GPC5: variants seen among roughly 807,000 people sequenced by gnomAD.
GPC5 encodes the protein glypican-5.
Under a neutral mutation model 53.9 loss-of-function variants are expected in GPC5, and 47 were observed. That is an observed-to-expected ratio of 0.87 (90% CI 0.69 to 1.11). The LOEUF is 1.11. Ranked by LOEUF, GPC5 falls within the 50% of genes most tolerant of loss-of-function variation. The pLI, the probability that GPC5 is intolerant of heterozygous loss-of-function variation, is 0.00. For synonymous variants in GPC5, 286 were observed against 263.3 expected (o/e 1.09, Z -0.84); for missense variants, 748 against 713.1 (o/e 1.05, Z -0.56).
chr13:91,688,867 A>C (rs948770114), intron 2 of GPC5, among the ~76,000 whole-genome samples: 1 of 152,014 alleles, frequency 6.6e-6, no homozygotes, highest in African/African-American at 2.4e-5. Context: ...TAAACATAGA[A>C]AAGATACAGT....
chr13:92,467,573 A>G (rs1432969433), intron 7 of GPC5, among the ~76,000 whole-genome samples: 3 of 152,090 alleles, frequency 2.0e-5, no homozygotes, highest in Admixed American at 6.6e-5. Flanking sequence ...AAAGAAATAT[A>G]TGATGTAGGT....
At chr13:92,677,512 A>G (rs746980573) in intron 7 of GPC5, among the ~76,000 whole-genome samples, 86 of 152,294 alleles carry the variant, frequency 5.6e-4, no homozygotes, top group Admixed American at 1.1e-3. Context: ...TGTTCCATGG[A>G]CTTACAGCCA....
intron 7 of GPC5, among the ~76,000 whole-genome samples, chr13:92,542,350 TCTTTCC>T (rs1424125414): frequency 6.6e-5 from 10 of 151,932 alleles, no homozygotes; most frequent in African/African-American, 2.2e-4. Context: ...TCCCCACCTA[TCTTTCC>T]CAGTCTCTAG....
intron 5 of GPC5, among the ~76,000 whole-genome samples, chr13:91,839,528 A>T (rs1490286757): frequency 1.3e-5 from 2 of 152,032 alleles, no homozygotes; most frequent in Admixed American, 6.6e-5. Context: ...TATATATTTT[A>T]AAAATGTAAT....
chr13:91,991,087 C>A (rs964893893), intron 6 of GPC5, among the ~76,000 whole-genome samples: 1 of 152,092 alleles, frequency 6.6e-6, no homozygotes, highest in Non-Finnish European at 1.5e-5. Context: ...GGCACCAGCC[C>A]GAGGACACAT....
intron 6 of GPC5, among the ~76,000 whole-genome samples, chr13:92,122,612 C>A (rs1440298282): frequency 7.2e-6 from 1 of 138,636 alleles, no homozygotes; most frequent in Non-Finnish European, 1.6e-5. Flanking sequence ...TTGCTATAAC[C>A]TCACCTTCCA....
intron 7 of GPC5, among the ~76,000 whole-genome samples, chr13:92,801,816 T>G (rs1267483433): frequency 6.6e-6 from 1 of 151,804 alleles, no homozygotes; most frequent in Non-Finnish European, 1.5e-5. Context: ...AAAATTTCAT[T>G]GAATAAGGAT....
At chr13:92,286,906 G>T (rs910389786) in intron 7 of GPC5, among the ~76,000 whole-genome samples, 1 of 151,834 alleles carries the variant, frequency 6.6e-6, no homozygotes, top group Non-Finnish European at 1.5e-5. Context: ...TAGTAAAAAA[G>T]AAAAAAATAT....
At chr13:91,907,566 G>T (rs1191270166) in intron 5 of GPC5, among the ~76,000 whole-genome samples, 1 of 143,704 alleles carries the variant, frequency 7.0e-6, no homozygotes, top group Non-Finnish European at 1.5e-5. Context: ...ATAAGATAAG[G>T]ACTGCATAAA....
At chr13:92,839,960 T>G (rs1384844713) in intron 7 of GPC5, among the ~76,000 whole-genome samples, 2 of 151,358 alleles carry the variant, frequency 1.3e-5, no homozygotes, top group Non-Finnish European at 2.9e-5. Context: ...CTCCACAAAT[T>G]TATTATGTTC....
intron 7 of GPC5, among the ~76,000 whole-genome samples, chr13:92,720,275 T>G (rs1418250591): frequency 6.6e-6 from 1 of 152,158 alleles, no homozygotes; most frequent in African/African-American, 2.4e-5. Context: ...GTTTATATAT[T>G]TATGTATCAT....
chr13:91,973,753 G>A (rs1169086077), intron 6 of GPC5, among the ~76,000 whole-genome samples: 2 of 152,176 alleles, frequency 1.3e-5, no homozygotes, highest in African/African-American at 2.4e-5. Flanking sequence ...GTTTGCCTGG[G>A]TGTCAGCAGC....
At chr13:91,670,059 C>T (rs1000715717) in intron 2 of GPC5, among the ~76,000 whole-genome samples, 7 of 152,084 alleles carry the variant, frequency 4.6e-5, no homozygotes, top group Non-Finnish European at 8.8e-5. Flanking sequence ...AATGGCCTTC[C>T]GTGGAGAACT....
chr13:91,578,278 C>T (rs1194002967), intron 2 of GPC5, among the ~76,000 whole-genome samples: 1 of 152,202 alleles, frequency 6.6e-6, no homozygotes, highest in Non-Finnish European at 1.5e-5. Flanking sequence ...TAGTCTAGAA[C>T]CATGTAGCAA....
At chr13:92,595,372 T>C (rs769689333) in intron 7 of GPC5, among the ~76,000 whole-genome samples, 21 of 152,220 alleles carry the variant, frequency 1.4e-4, no homozygotes, top group Non-Finnish European at 2.8e-4. Context: ...GAGCTTATTA[T>C]TGATGTCTTA....
At chr13:91,550,875 C>G (rs1161288464) in intron 2 of GPC5, among the ~76,000 whole-genome samples, 1 of 152,060 alleles carries the variant, frequency 6.6e-6, no homozygotes, top group Non-Finnish European at 1.5e-5. Flanking sequence ...TGCACAAGCA[C>G]TCTTACCTTC....
rs1210201432 is a variant in GPC5, at chr13:91,471,855, T to C, written c.325+22933T>C. The stretch of plus-strand genomic sequence containing the variant: ...TTACCGAGCAGCCTCTTGATTGAAC[T>C]AAAAAGTCTAGATAGATTTAGTTCT... On this transcript the variant is annotated intron_variant, in intron 2 of 7. Coordinates refer to ENST00000377067, the MANE Select transcript of GPC5 (RefSeq NM_004466.6). 2.6e-5 allele frequency among the ~76,000 whole-genome samples: 4 copies of C among 152,274 alleles called. No individual in the cohort carries two copies. In the East Asian group the frequency reaches 7.7e-4, roughly 29 times the overall value.
intron 7 of GPC5, among the ~76,000 whole-genome samples, chr13:92,152,547 C>T (rs1356366726): frequency 6.6e-6 from 1 of 152,026 alleles, no homozygotes; most frequent in African/African-American, 2.4e-5. Flanking sequence ...TAAAATTGGG[C>T]TAACATGGTG....
intron 7 of GPC5, among the ~76,000 whole-genome samples, chr13:92,840,887 C>T (rs566911669): frequency 6.6e-6 from 1 of 152,054 alleles, no homozygotes; most frequent in East Asian, 1.9e-4. Context: ...TTGTTTCCAT[C>T]GTTTCTTTTC....
Sources: allele counts gnomAD v4.1 joint callset (sites outside exome capture counted in the v4.1 genomes callset), GRCh38; gene constraint gnomAD v4.1.1; transcripts MANE v1.5; gene names NCBI Gene and HGNC (gene_info 2026-07-23, HGNC 2026-07-21).